The following KIAA1958 variants were observed in gnomAD, a reference collection of about 807,000 sequenced individuals.
The protein encoded by KIAA1958 is uncharacterized protein KIAA1958.
Under a neutral mutation model 47.2 loss-of-function variants are expected in KIAA1958, and 14 were observed. That is an observed-to-expected ratio of 0.30 (90% CI 0.20 to 0.46). The LOEUF (loss-of-function observed/expected upper bound fraction) is 0.46. KIAA1958 is among the 20% of genes least tolerant of loss of function. The pLI, the probability that KIAA1958 is intolerant of heterozygous loss-of-function variation, is 1.00. For missense variants in KIAA1958, 803 were observed against 909.2 expected (o/e 0.88, Z 1.50); for synonymous variants, 354 against 353.3 (o/e 1.00, Z -0.02).
chr9:112,553,756 T>C (rs1835196158), intron 1 of KIAA1958, among the ~76,000 whole-genome samples: 4 of 152,182 alleles, frequency 2.6e-5, no homozygotes, highest in Admixed American at 2.6e-4. Flanking sequence ...TCACACAGTG[T>C]TGATAATGAG....
intron 3 of KIAA1958, among the ~76,000 whole-genome samples, chr9:112,647,423 G>A (rs1836993719): frequency 6.6e-6 from 1 of 151,598 alleles, no homozygotes; most frequent in Non-Finnish European, 1.5e-5. Flanking sequence ...TTTTTTTGCA[G>A]ATTCAGAGCA....
chr9:112,560,203 TTTTTC>T (rs1350181202), intron 1 of KIAA1958, among the ~76,000 whole-genome samples: 2 of 123,150 alleles, frequency 1.6e-5, no homozygotes, highest in Non-Finnish European at 3.4e-5. Flanking sequence ...TTTTTCTTTT[TTTTTC>T]TTTTTTTGAA....
chr9:112,488,121 A>G (rs748625413), intron 1 of KIAA1958, among the ~76,000 whole-genome samples: 6 of 152,214 alleles, frequency 3.9e-5, no homozygotes, highest in Admixed American at 6.5e-5. Context: ...TGCAATAAAC[A>G]ATGATCTAGC....
chr9:112,618,959 G>T lies in KIAA1958; in HGVS notation c.1172-26691G>T. ...GACTCCAGTTTGGTTACTGTGTCCG[G>T]AGAAACTGTGATTATACACCGCTTC... On this transcript the variant is annotated intron_variant, in intron 2 of 3. Transcript: ENST00000337530. This position sits in a 1 kb window ranked among gnomAD's most constrained non-coding sequence, Gnocchi z 7.1. The T allele has an allele frequency of 6.7e-7, 1 of 1,485,020 alleles. No individual in the cohort carries two copies. Among genetic ancestry groups the T allele is most frequent in the South Asian group, 1.4e-5 (1 of 74,048 alleles). The allele number at this position is 1,485,020 out of a possible 1,614,324, so 92.0% of individuals were successfully genotyped here. A position where few individuals can be genotyped will look rare whatever the true frequency, so the allele number is the denominator to read the frequency against.
chr9:112,634,797 T>C (rs1329193943), intron 2 of KIAA1958, among the ~76,000 whole-genome samples: 3 of 152,196 alleles, frequency 2.0e-5, no homozygotes, highest in East Asian at 3.9e-4. Context: ...TTTTTACTTT[T>C]GGGGTAGTGA....
intron 2 of KIAA1958, among the ~76,000 whole-genome samples, chr9:112,601,517 G>T (rs1272945355): frequency 1.3e-5 from 2 of 151,618 alleles, no homozygotes; most frequent in Non-Finnish European, 2.9e-5. Context: ...TGTTAAAAAT[G>T]CAGACTCCTC....
Position 112,662,101 on chromosome 9 carries a change from G to A in KIAA1958, c.*2032G>A, listed in dbSNP as rs1360403167. 1.3e-5 allele frequency: 2 copies of A among 152,216 alleles called. No individual in the cohort carries two copies. Among genetic ancestry groups the A allele is most frequent in the Non-Finnish European group, 2.9e-5 (2 of 68,046 alleles). The allele number at this position is 152,216 out of a possible 1,614,324, so 9.4% of individuals were successfully genotyped here. ...CAAAGGTAGCAATAACTACTCCAGA[G>A]GTTGTAATCTTTCTGTTGGTAGTGG... On this transcript the variant is annotated 3_prime_UTR_variant, in exon 4 of 4. Coordinates refer to ENST00000337530, the MANE Select transcript of KIAA1958 (RefSeq NM_133465.4).
chr9:112,589,677 A>G (rs1032336860), intron 2 of KIAA1958, among the ~76,000 whole-genome samples: 1 of 152,160 alleles, frequency 6.6e-6, no homozygotes, highest in Admixed American at 6.5e-5. Context: ...GTAGGATGGG[A>G]TATGTTGTGA....
intron 1 of KIAA1958, among the ~76,000 whole-genome samples, chr9:112,556,931 C>T (rs1395948791): frequency 6.6e-6 from 1 of 152,160 alleles, no homozygotes; most frequent in African/African-American, 2.4e-5. Context: ...TATTTCAGAT[C>T]ACAGTATTCA....
At chr9:112,505,595 G>C (rs1230763342) in intron 1 of KIAA1958, among the ~76,000 whole-genome samples, 3 of 152,188 alleles carry the variant, frequency 2.0e-5, no homozygotes, top group Non-Finnish European at 4.4e-5. Context: ...AATTTATTAA[G>C]AACATTTTAA....
At chr9:112,651,456 A>G (rs1232132329) in intron 3 of KIAA1958, among the ~76,000 whole-genome samples, 1 of 150,520 alleles carries the variant, frequency 6.6e-6, no homozygotes, top group Admixed American at 6.6e-5. Flanking sequence ...GTGCAGTGGC[A>G]CAATCTCAGC....
At chr9:112,535,309 A>T (rs1834833505) in intron 1 of KIAA1958, among the ~76,000 whole-genome samples, 2 of 152,150 alleles carry the variant, frequency 1.3e-5, no homozygotes, top group Admixed American at 6.5e-5. Context: ...ACTTTTTTAG[A>T]TTCCACATGT....
chr9:112,546,504 TCTCA>T (rs1298691374), intron 1 of KIAA1958, among the ~76,000 whole-genome samples: 1 of 151,706 alleles, frequency 6.6e-6, no homozygotes, highest in Non-Finnish European at 1.5e-5. Context: ...TGAGACAGAG[TCTCA>T]CTCTGTTGCC....
At chr9:112,583,412 G>A (rs755683688) in intron 2 of KIAA1958, among the ~76,000 whole-genome samples, 2 of 152,200 alleles carry the variant, frequency 1.3e-5, no homozygotes, top group African/African-American at 4.8e-5. Flanking sequence ...ACTTTGGAGA[G>A]CAATTTACAA....
chr9:112,522,852 G>T (rs1365555017), intron 1 of KIAA1958, among the ~76,000 whole-genome samples: 2 of 152,148 alleles, frequency 1.3e-5, no homozygotes, highest in Non-Finnish European at 2.9e-5. Context: ...ACCAGAGCAG[G>T]TGCTCATTCC....
chr9:112,614,231 G>A (rs1312301860), intron 2 of KIAA1958, among the ~76,000 whole-genome samples: 2 of 152,094 alleles, frequency 1.3e-5, no homozygotes, highest in Non-Finnish European at 2.9e-5. Context: ...GATGTTTCAA[G>A]TCAGGAGAGC....
At chr9:112,516,575 C>G (rs1169694958) in intron 1 of KIAA1958, among the ~76,000 whole-genome samples, 1 of 152,214 alleles carries the variant, frequency 6.6e-6, no homozygotes, top group South Asian at 2.1e-4. Context: ...AATATTTCAG[C>G]AAAGTTTTTA....
chr9:112,497,013 T>C (rs556349267), intron 1 of KIAA1958, among the ~76,000 whole-genome samples: 52 of 152,328 alleles, frequency 3.4e-4, no homozygotes, highest in Admixed American at 1.9e-3. Flanking sequence ...CCACCTATTT[T>C]GTTATCCTCC....
intron 1 of KIAA1958, among the ~76,000 whole-genome samples, chr9:112,543,226 GTTGTTTGTTTGT>G (rs61382078): frequency 6.6e-6 from 1 of 150,888 alleles, no homozygotes; most frequent in Non-Finnish European, 1.5e-5. Context: ...TTTTGTTGTT[GTTGTTTGTTTGT>G]TTGTTTGTTT....
Sources: gnomAD v4.1 joint callset for allele counts (sites outside exome capture counted in the v4.1 genomes callset) on GRCh38, gnomAD v4.1.1 for gene constraint, Gnocchi (gnomAD v3.1) non-coding constraint, MANE v1.5 for transcripts, NCBI Gene and HGNC (gene_info 2026-07-23, HGNC 2026-07-21) for gene names.